The following PCDHGA2 variants were observed in gnomAD, a reference collection of about 807,000 sequenced individuals.
PCDHGA2 encodes protocadherin gamma subfamily A, 2.
In PCDHGA2, 40 loss-of-function variants were observed where a neutral mutation model predicts 59.2. The observed-to-expected ratio is 0.68, with a 90% CI of 0.52 to 0.88. The LOEUF is 0.88. Ranked by LOEUF, PCDHGA2 falls within the 40% of genes least tolerant of loss-of-function variation. The pLI is 0.00. For missense variants in PCDHGA2, 1,226 were observed against 1,204.0 expected (o/e 1.02, Z -0.27); for synonymous variants, 560 against 526.0 (o/e 1.06, Z -0.89).
At chr5:141,413,381 G>T in intron 1 of PCDHGA2, 2 of 1,613,946 alleles carry the variant, frequency 1.2e-6, no homozygotes, top group Admixed American at 1.7e-5. Context: ...CGCGGAGTCC[G>T]CATAGTCTCC....
chr5:141,481,676 G>T (rs975849679), intron 1 of PCDHGA2, among the ~76,000 whole-genome samples: 1 of 152,028 alleles, frequency 6.6e-6, no homozygotes, highest in Non-Finnish European at 1.5e-5. Flanking sequence ...AAATCAGGCC[G>T]GGCCTGGTGG....
chr5:141,437,355 A>C (rs2097877902), intron 1 of PCDHGA2, among the ~76,000 whole-genome samples: 1 of 152,238 alleles, frequency 6.6e-6, no homozygotes, highest in Non-Finnish European at 1.5e-5. Flanking sequence ...ATAGTACCTA[A>C]AATTGGAATG....
At chr5:141,430,331 T>C (rs1266364984) in intron 1 of PCDHGA2, among the ~76,000 whole-genome samples, 2 of 150,984 alleles carry the variant, frequency 1.3e-5, no homozygotes, top group Non-Finnish European at 2.9e-5. Context: ...TCATTGTTTA[T>C]AGAAACTTCC....
intron 1 of PCDHGA2, among the ~76,000 whole-genome samples, chr5:141,382,053 TC>T (rs1158430534): frequency 6.6e-6 from 1 of 151,934 alleles, no homozygotes; most frequent in Non-Finnish European, 1.5e-5. Flanking sequence ...GGTCTCAAGC[TC>T]CCGACCTCAG....
chr5:141,500,084 C>T (rs1354544132), intron 2 of PCDHGA2, among the ~76,000 whole-genome samples: 1 of 152,030 alleles, frequency 6.6e-6, no homozygotes, highest in Non-Finnish European at 1.5e-5. Flanking sequence ...CCTCCATCTT[C>T]CATTTTTGCA....
rs1407394695 is a variant in PCDHGA2 at position 141,345,378 on chromosome 5, C to A, written c.2424+3983C>A. ...GCATGTGATTGACATCAATGACAACCCACCCACCTTCCCTCATTTATCCTA... is the reference window on the plus strand; with the variant it reads ...GCATGTGATTGACATCAATGACAACACACCCACCTTCCCTCATTTATCCTA... On this transcript the variant is annotated intron_variant, in intron 1 of 3. Coordinates refer to ENST00000394576, the MANE Select transcript of PCDHGA2 (RefSeq NM_018915.4). 9.9e-6 allele frequency: 16 copies of A among 1,614,072 alleles called. No homozygotes were observed. The highest frequency in any genetic ancestry group is 1.2e-5 in the Non-Finnish European group (14 of 1,180,008).
At chr5:141,419,261 G>C (rs758952830) in intron 1 of PCDHGA2, 16 of 1,613,982 alleles carry the variant, frequency 9.9e-6, no homozygotes, top group Non-Finnish European at 1.3e-5. Context: ...CAACCAGCCG[G>C]GTGCCTCCAT....
chr5:141,341,127 G>C lies in PCDHGA2; in HGVS notation c.2156G>C (p.Trp719Ser). The C allele has an allele frequency of 6.2e-7, 1 of 1,614,218 alleles. No homozygotes were observed. Among genetic ancestry groups the C allele is most frequent in the African/African-American group, 1.3e-5 (1 of 75,066 alleles). Residue 719 changes from tryptophan (W) to serine (S), a missense_variant, in exon 1 of 4, where the codon TGG (tryptophan) becomes TCG (serine). Physicochemically the swap from Trp to Ser is radical, Grantham distance 177. Coordinates refer to ENST00000394576, the MANE Select transcript of PCDHGA2 (RefSeq NM_018915.4). ...TTGCTGGCGCACAGGCTGCGGCGCTGGCACAAGTCACGCCTGCTGCAGGCT... is the reference window on the plus strand; with the variant it reads ...TTGCTGGCGCACAGGCTGCGGCGCTCGCACAAGTCACGCCTGCTGCAGGCT... ...IVLLAHRLRR[W>S]HKSRLLQASG...
intron 1 of PCDHGA2, among the ~76,000 whole-genome samples, chr5:141,405,811 ACTGT>A (rs56926516): frequency 0.18 from 26,617 of 151,870 alleles, 2,510 homozygotes; most frequent in Admixed American, 0.28. Flanking sequence ...TTTCTCTTTA[ACTGT>A]CTGTACTTAA....
At chr5:141,417,743 A>T in intron 1 of PCDHGA2, 2 of 1,419,054 alleles carry the variant, frequency 1.4e-6, no homozygotes, top group Non-Finnish European at 1.9e-6. Flanking sequence ...AGCACACCAG[A>T]TTGCCAGCTC....
intron 1 of PCDHGA2, chr5:141,360,173 G>T: frequency 6.2e-7 from 1 of 1,609,062 alleles, no homozygotes; most frequent in East Asian, 2.2e-5. Context: ...CTGGTGCGGT[G>T]GCTGCAGGTA....
chr5:141,370,406 C>T (rs753617533), intron 1 of PCDHGA2: 3 of 1,560,202 alleles, frequency 1.9e-6, no homozygotes, highest in African/African-American at 2.7e-5. Flanking sequence ...TGGGAAATAG[C>T]TCCGGATGGA....
intron 1 of PCDHGA2, chr5:141,375,618 G>A (rs1771662447): frequency 6.2e-7 from 1 of 1,614,078 alleles, no homozygotes; most frequent in Non-Finnish European, 8.5e-7. Context: ...TCCGACACTG[G>A]GATTCTGTAC....
intron 1 of PCDHGA2, chr5:141,393,946 A>G (rs1417125080): frequency 4.3e-6 from 7 of 1,613,892 alleles, no homozygotes; most frequent in Non-Finnish European, 4.2e-6. Context: ...GACTCTGGAA[A>G]GAATGGTCAA....
At chr5:141,414,498 C>T (rs2095755127) in intron 1 of PCDHGA2, 1 of 1,613,848 alleles carries the variant, frequency 6.2e-7, no homozygotes, top group African/African-American at 1.3e-5. Flanking sequence ...CGGAAGCTCA[C>T]TTTATGCTAC....
At chr5:141,465,831 T>A (rs997004387) in intron 1 of PCDHGA2, among the ~76,000 whole-genome samples, 1 of 151,980 alleles carries the variant, frequency 6.6e-6, no homozygotes, top group African/African-American at 2.4e-5. Context: ...TTGTTTAAAA[T>A]TTCAACTGAG....
intron 1 of PCDHGA2, chr5:141,441,823 C>T (rs538052540): frequency 3.9e-5 from 14 of 357,336 alleles, no homozygotes; most frequent in Non-Finnish European, 6.6e-5. Context: ...AGCTCTGGAG[C>T]GCAATGGCTT....
At position 141,489,963 on chromosome 5, in the gene PCDHGA2, C is replaced by A. The variant is rs779260164; in HGVS notation, c.2425-4844C>A. On this transcript the variant is annotated intron_variant, in intron 1 of 3. Coordinates refer to ENST00000394576, the MANE Select transcript of PCDHGA2 (RefSeq NM_018915.4). This position sits in a 1 kb window ranked among gnomAD's most constrained non-coding sequence, Gnocchi z 4.5. Reference sequence around the variant, plus strand: ...TGGACATCAATGATAATGCTCCAACCTTCCAATCCTCAGTTCTACGTGTGG... The same window carrying A: ...TGGACATCAATGATAATGCTCCAACATTCCAATCCTCAGTTCTACGTGTGG... The A allele has an allele frequency of 8.1e-6, 13 of 1,614,184 alleles. No homozygotes were observed. In the East Asian group the frequency reaches 2.2e-4, roughly 28 times the overall value.
Position 141,357,088 on chromosome 5 carries a change from C to T in PCDHGA2, c.2424+15693C>T, listed in dbSNP as rs530114356. ...GCACACAGGCGAGGTGCGCACCGCA[C>T]GGGCCCTGCTGGACAGAGACGCGCT... On this transcript the variant is annotated intron_variant, in intron 1 of 3. Transcript: ENST00000394576. The T allele has an allele frequency of 4.7e-5, 76 of 1,613,900 alleles. No individual in the cohort carries two copies. The South Asian group carries it at 8.2e-4, about 17-fold the overall frequency.
Sources: gnomAD v4.1 joint callset for allele counts (sites outside exome capture counted in the v4.1 genomes callset) on GRCh38, gnomAD v4.1.1 for gene constraint, Gnocchi (gnomAD v3.1) non-coding constraint, MANE v1.5 for transcripts, NCBI Gene and HGNC (gene_info 2026-07-23, HGNC 2026-07-21) for gene names.